Variants in PLEKHA5 observed in about 807,000 individuals in gnomAD.
The protein encoded by PLEKHA5 is pleckstrin homology domain-containing family A member 5.
PLEKHA5 carries 55 observed loss-of-function variants against 181.9 expected under a neutral mutation model. That is an observed-to-expected ratio of 0.30 (90% CI 0.24 to 0.38). The LOEUF is 0.38. PLEKHA5 is among the 10% of genes least tolerant of loss of function. PLEKHA5 has a pLI of 1.00. For synonymous variants in PLEKHA5, 535 were observed against 529.4 expected (o/e 1.01, Z -0.15); for missense variants, 1,432 against 1,549.5 (o/e 0.92, Z 1.27).
Position 19,376,134 on chromosome 12 carries a change from T to C in PLEKHA5, c.*615T>C, listed in dbSNP as rs8601. On this transcript the variant is annotated 3_prime_UTR_variant, in exon 32 of 32. Transcript: ENST00000429027. ...CTGTCAGCTTAAACACAAATGTTAC[T>C]GCTTATCTTTTCTTAAAAAAAAAAA... 0.24 allele frequency: 36,798 copies of C among 151,522 alleles called. 4,509 individuals are homozygous for C. Among genetic ancestry groups the C allele is most frequent in the Middle Eastern group, 0.34 (99 of 292 alleles). 9.4% of individuals were successfully genotyped at this position (151,522 alleles called of 1,614,324 possible).
chr12:19,149,545 G>A (rs1332943189), intron 3 of PLEKHA5: 1 of 151,476 alleles, frequency 6.6e-6, no homozygotes, highest in African/African-American at 2.4e-5. Flanking sequence ...AAAACTCAGT[G>A]GCTTAAAACA....
chr12:19,317,378 T>C (rs949213821), intron 16 of PLEKHA5, among the ~76,000 whole-genome samples: 9 of 151,710 alleles, frequency 5.9e-5, no homozygotes, highest in African/African-American at 2.2e-4. Flanking sequence ...TTTTAAGCAT[T>C]CTGTATTCTA....
At chr12:19,263,156 G>C (rs1263240637) in intron 7 of PLEKHA5, among the ~76,000 whole-genome samples, 1 of 151,114 alleles carries the variant, frequency 6.6e-6, no homozygotes, top group Non-Finnish European at 1.5e-5. Flanking sequence ...ATTTCAGTGA[G>C]ATCATAATAG....
At chr12:19,343,940 TACTC>T (rs1388125947) in intron 22 of PLEKHA5, among the ~76,000 whole-genome samples, 1 of 151,440 alleles carries the variant, frequency 6.6e-6, no homozygotes. Flanking sequence ...TAGTCCCAAA[TACTC>T]AGGAAGCTTA....
At chr12:19,353,789 C>T (rs982117659) in intron 25 of PLEKHA5, 95 bp from the exon 26 acceptor site, 26 of 727,248 alleles carry the variant, frequency 3.6e-5, no homozygotes, top group Non-Finnish European at 5.9e-5. Flanking sequence ...AATTTGCTTT[C>T]TGATTTTAAA....
intron 15 of PLEKHA5, among the ~76,000 whole-genome samples, chr12:19,298,735 TA>T (rs891687915): frequency 1.3e-5 from 2 of 151,854 alleles, no homozygotes; most frequent in African/African-American, 4.8e-5. Flanking sequence ...TAAAATAATT[TA>T]AAAAAAATGG....
At chr12:19,324,293 A>C (rs187252033) in intron 20 of PLEKHA5, among the ~76,000 whole-genome samples, 1 of 152,346 alleles carries the variant, frequency 6.6e-6, no homozygotes, top group Admixed American at 6.5e-5. Context: ...AGGAATTCTT[A>C]AATACCTTAC....
At chr12:19,218,570 A>G (rs190829444) in intron 3 of PLEKHA5, among the ~76,000 whole-genome samples, 1 of 152,312 alleles carries the variant, frequency 6.6e-6, no homozygotes, top group African/African-American at 2.4e-5. Context: ...TTATAAATTC[A>G]TGATCTTTGT....
chr12:19,333,230 A>G (rs2093026807), intron 20 of PLEKHA5, among the ~76,000 whole-genome samples: 1 of 151,984 alleles, frequency 6.6e-6, no homozygotes, highest in Non-Finnish European at 1.5e-5. Context: ...GGTTGCGATG[A>G]GCTGAGATCG....
chr12:19,278,585 CT>C (rs2075239633), intron 11 of PLEKHA5, among the ~76,000 whole-genome samples: 1 of 152,074 alleles, frequency 6.6e-6, no homozygotes, highest in East Asian at 1.9e-4. Flanking sequence ...AGGGCAGTCT[CT>C]TTGATGGAGT....
Position 19,297,598 on chromosome 12 carries a change from C to T in PLEKHA5, c.2037+5901C>T, listed in dbSNP as rs528362777. On this transcript the variant is annotated intron_variant, in intron 15 of 31. Coordinates refer to ENST00000429027, the MANE Select transcript of PLEKHA5 (RefSeq NM_001256470.2). ...GATTGCGCCACTGCAGTCCGCAGTCCGGCCTGGGCGACAGAGCGAGGCTCC... is the reference window on the plus strand; with the variant it reads ...GATTGCGCCACTGCAGTCCGCAGTCTGGCCTGGGCGACAGAGCGAGGCTCC... Among the ~76,000 whole-genome samples, 14 of 142,386 alleles carry T rather than the reference C, an allele frequency of 9.8e-5. No individual in the cohort carries two copies. In the East Asian group the frequency reaches 1.2e-3, roughly 13 times the overall value. 93.4% of individuals were successfully genotyped at this position (142,386 alleles called of 152,430 possible).
At chr12:19,181,008 T>A (rs2048423025) in intron 3 of PLEKHA5, among the ~76,000 whole-genome samples, 2 of 149,256 alleles carry the variant, frequency 1.3e-5, no homozygotes, top group South Asian at 4.3e-4. Context: ...GTTTTATATG[T>A]TTCACATGGA....
At chr12:19,288,211 A>C (rs1225740234) in intron 13 of PLEKHA5, 1 of 191,342 alleles carries the variant, frequency 5.2e-6, no homozygotes, top group Non-Finnish European at 1.1e-5. Context: ...ATTTGTAGTC[A>C]AACTACCAGC....
At chr12:19,374,580 A>G (rs1273024765) in intron 31 of PLEKHA5, among the ~76,000 whole-genome samples, 1 of 151,694 alleles carries the variant, frequency 6.6e-6, no homozygotes, top group Non-Finnish European at 1.5e-5. Flanking sequence ...AATCACTTGA[A>G]CCCGGGAGGT....
chr12:19,328,311 C>T (rs974697564), intron 20 of PLEKHA5, among the ~76,000 whole-genome samples: 3 of 151,994 alleles, frequency 2.0e-5, no homozygotes, highest in African/African-American at 7.3e-5. Context: ...TGTTTGGACT[C>T]TTGGTTCAAT....
intron 3 of PLEKHA5, among the ~76,000 whole-genome samples, chr12:19,249,395 A>C (rs1345384328): frequency 4.6e-5 from 7 of 152,214 alleles, no homozygotes; most frequent in Non-Finnish European, 1.0e-4. Flanking sequence ...GTTTAGAGAC[A>C]CTGGACAAAG....
intron 17 of PLEKHA5, 71 bp from the exon 18 acceptor site, chr12:19,320,491 G>T (rs969177080): frequency 2.9e-6 from 2 of 694,816 alleles, no homozygotes; most frequent in Non-Finnish European, 5.0e-6. Context: ...TAAATCCAAA[G>T]TATTAATTAA....
At chr12:19,340,945 TAAA>T (rs58915493) in intron 21 of PLEKHA5, among the ~76,000 whole-genome samples, 5,106 of 62,810 alleles carry the variant, frequency 0.081, 200 homozygotes, top group East Asian at 0.29. Context: ...GAATGATCAA[TAAA>T]AAAAAAAAAA....
rs554442001 is a variant in PLEKHA5 at position 19,245,296 on chromosome 12, C to G, written c.228-8644C>G. ...TAATAGCCTCTTCCTTCCCCTTTTT[C>G]CTTGCTATTATAATATAACTGCATT... On this transcript the variant is annotated intron_variant, in intron 3 of 31. Coordinates refer to ENST00000429027, the MANE Select transcript of PLEKHA5 (RefSeq NM_001256470.2). Among the ~76,000 whole-genome samples the G allele has an allele frequency of 3.9e-5, 6 of 152,158 alleles. No individual in the cohort carries two copies. The East Asian group carries it at 1.2e-3, about 29-fold the overall frequency.
Sources: allele counts gnomAD v4.1 joint callset (sites outside exome capture counted in the v4.1 genomes callset), GRCh38; gene constraint gnomAD v4.1.1; transcripts MANE v1.5; gene names NCBI Gene and HGNC (gene_info 2026-07-23, HGNC 2026-07-21).